TRPM3: variants seen among roughly 807,000 people sequenced by gnomAD.
The protein encoded by TRPM3 is long transient receptor potential channel 3.
TRPM3 carries 77 observed loss-of-function variants against 181.2 expected under a neutral mutation model. The ratio of observed to expected loss-of-function variants is 0.42; its 90% CI spans 0.35 to 0.51. The LOEUF (loss-of-function observed/expected upper bound fraction) is 0.51. Among genes scored for constraint, TRPM3 ranks in the 20% least tolerant of loss-of-function variants. The pLI, the probability that TRPM3 is intolerant of heterozygous loss-of-function variation, is 0.01. For synonymous variants in TRPM3, 745 were observed against 796.4 expected, an observed-to-expected ratio of 0.94 and a Z score of 1.09; for missense variants, 1,759 against 2,196.7, an observed-to-expected ratio of 0.80 and a Z score of 3.98.
At chr9:71,385,944 C>T (rs894636197) in intron 1 of TRPM3, among the ~76,000 whole-genome samples, 5 of 151,764 alleles carry the variant, frequency 3.3e-5, no homozygotes, top group African/African-American at 7.3e-5. Flanking sequence ...TGACCTCAAG[C>T]GATCCACCCA....
At chr9:71,234,219 A>T (rs1259079647) in intron 1 of TRPM3, among the ~76,000 whole-genome samples, 1 of 152,182 alleles carries the variant, frequency 6.6e-6, no homozygotes, top group East Asian at 1.9e-4. Context: ...ACAACATGGC[A>T]GTTGGTTTCT....
At chr9:70,813,782 A>T (rs1043344282) in intron 6 of TRPM3, among the ~76,000 whole-genome samples, 2 of 152,238 alleles carry the variant, frequency 1.3e-5, no homozygotes, top group Admixed American at 1.3e-4. Flanking sequence ...ATTTACTAGC[A>T]GTCTGACCTT....
chr9:70,553,484 G>C (rs2046924454), intron 22 of TRPM3, among the ~76,000 whole-genome samples, 174 bp from the exon 23 acceptor site: 1 of 152,298 alleles, frequency 6.6e-6, no homozygotes, highest in Non-Finnish European at 1.5e-5. Context: ...AATATCTCAA[G>C]GGGCTGCTAC....
intron 1 of TRPM3, among the ~76,000 whole-genome samples, chr9:71,186,992 G>A (rs1158721772): frequency 6.6e-6 from 1 of 151,896 alleles, no homozygotes; most frequent in Non-Finnish European, 1.5e-5. Context: ...TATCATGTGG[G>A]CATAATAATT....
At chr9:70,589,831 C>A (rs1427015887) in intron 22 of TRPM3, among the ~76,000 whole-genome samples, 1 of 152,188 alleles carries the variant, frequency 6.6e-6, no homozygotes, top group African/African-American at 2.4e-5. Context: ...AAATGACGTA[C>A]CGGTGTGTTC....
intron 1 of TRPM3, among the ~76,000 whole-genome samples, chr9:71,025,268 T>G (rs892253042): frequency 3.9e-5 from 6 of 152,240 alleles, no homozygotes; most frequent in African/African-American, 1.4e-4. Flanking sequence ...AGTAATGATC[T>G]AGACAGATGT....
At chr9:70,624,612 G>C (rs1189218568) in intron 14 of TRPM3, among the ~76,000 whole-genome samples, 2 of 152,084 alleles carry the variant, frequency 1.3e-5, no homozygotes, top group African/African-American at 4.8e-5. Context: ...TCCTTCCTTT[G>C]ATATATTTGC....
intron 1 of TRPM3, among the ~76,000 whole-genome samples, chr9:71,173,958 A>G (rs2076986557): frequency 6.6e-6 from 1 of 152,182 alleles, no homozygotes; most frequent in Middle Eastern, 3.2e-3. Context: ...ACTGCACTCA[A>G]AGATAAACCA....
chr9:71,378,860 G>C (rs1001619611), intron 1 of TRPM3, among the ~76,000 whole-genome samples: 3 of 151,750 alleles, frequency 2.0e-5, no homozygotes, highest in Non-Finnish European at 4.4e-5. Context: ...ATATATTATT[G>C]AATAATTATA....
intron 1 of TRPM3, among the ~76,000 whole-genome samples, chr9:70,989,785 G>A (rs542888865): frequency 6.6e-6 from 1 of 152,168 alleles, no homozygotes; most frequent in South Asian, 2.1e-4. Flanking sequence ...TTGTCTCTAG[G>A]CTCAATTAAG....
At chr9:71,028,022 C>A (rs2056796823) in intron 1 of TRPM3, among the ~76,000 whole-genome samples, 1 of 152,130 alleles carries the variant, frequency 6.6e-6, no homozygotes, top group South Asian at 2.1e-4. Context: ...AGCAGATTCT[C>A]CAAGGTAGAA....
chr9:71,378,467 C>T (rs1192907092), intron 1 of TRPM3, among the ~76,000 whole-genome samples: 2 of 152,060 alleles, frequency 1.3e-5, no homozygotes, highest in Admixed American at 6.6e-5. Flanking sequence ...TAGAGCCAGT[C>T]CAAGGCACTG....
At chr9:70,691,128 T>C (rs2068416131) in intron 8 of TRPM3, among the ~76,000 whole-genome samples, 1 of 152,178 alleles carries the variant, frequency 6.6e-6, no homozygotes, top group South Asian at 2.1e-4. Context: ...AAAATTAATA[T>C]CAGATAAGTT....
intron 1 of TRPM3, among the ~76,000 whole-genome samples, chr9:71,024,596 A>G (rs2134560571): frequency 6.6e-6 from 1 of 152,328 alleles, no homozygotes; most frequent in Non-Finnish European, 1.5e-5. Context: ...TCTTAGCAGT[A>G]TTACTTTGGG....
At chr9:70,999,559 T>C (rs1321647776) in intron 1 of TRPM3, among the ~76,000 whole-genome samples, 1 of 152,198 alleles carries the variant, frequency 6.6e-6, no homozygotes, top group Non-Finnish European at 1.5e-5. Context: ...GAAACTCCAG[T>C]GTATTATTTC....
intron 1 of TRPM3, among the ~76,000 whole-genome samples, chr9:71,265,398 G>A (rs575438452): frequency 2.6e-5 from 4 of 152,236 alleles, no homozygotes; most frequent in Admixed American, 2.6e-4. Flanking sequence ...GATGAGAGGT[G>A]GAACAATACA....
At chr9:70,950,501 G>C (rs907926118) in intron 1 of TRPM3, among the ~76,000 whole-genome samples, 2 of 152,316 alleles carry the variant, frequency 1.3e-5, no homozygotes, top group African/African-American at 4.8e-5. Flanking sequence ...AATAAATTGA[G>C]ACTACCTAGT....
chr9:70,815,645 C>A (rs1163024546), intron 6 of TRPM3, among the ~76,000 whole-genome samples: 1 of 152,154 alleles, frequency 6.6e-6, no homozygotes, highest in Non-Finnish European at 1.5e-5. Flanking sequence ...ATAGATTTTG[C>A]TCACTTTCCT....
intron 1 of TRPM3, among the ~76,000 whole-genome samples, chr9:71,352,631 T>G (rs982469493): frequency 3.3e-5 from 5 of 152,210 alleles, no homozygotes; most frequent in Non-Finnish European, 5.9e-5. Context: ...ATAATGCAGC[T>G]TTTTGCCACA....
Sources: gnomAD v4.1 joint callset for allele counts (sites outside exome capture counted in the v4.1 genomes callset) on GRCh38, gnomAD v4.1.1 for gene constraint, MANE v1.5 for transcripts, NCBI Gene and HGNC (gene_info 2026-07-23, HGNC 2026-07-21) for gene names.